Variants in STPG2 observed in about 807,000 individuals in gnomAD.
STPG2 encodes sperm tail PG-rich repeat containing 2.
Under a neutral mutation model 54.2 loss-of-function variants are expected in STPG2, and 56 were observed. The ratio of observed to expected loss-of-function variants is 1.03; its 90% CI spans 0.83 to 1.29. The LOEUF is 1.29. Among genes scored for constraint, STPG2 ranks in the 50% most tolerant of loss-of-function variants. The pLI is 0.00. For missense variants in STPG2, 596 were observed against 544.9 expected, an observed-to-expected ratio of 1.09 and a Z score of -0.93; for synonymous variants, 200 against 181.8, an observed-to-expected ratio of 1.10 and a Z score of -0.81.
intron 8 of STPG2, among the ~76,000 whole-genome samples, chr4:97,858,968 T>A (rs915470904): frequency 6.6e-6 from 1 of 152,222 alleles, no homozygotes; most frequent in Non-Finnish European, 1.5e-5. Flanking sequence ...CTAAGGAATC[T>A]CCATACTACT....
intron 9 of STPG2, among the ~76,000 whole-genome samples, chr4:97,736,131 C>T (rs1261917090): frequency 2.0e-5 from 3 of 151,976 alleles, no homozygotes; most frequent in Non-Finnish European, 4.4e-5. Flanking sequence ...AGTAAAATGT[C>T]AATTCCTCAG....
At chr4:97,752,974 A>G (rs1195429702) in intron 9 of STPG2, among the ~76,000 whole-genome samples, 1 of 151,878 alleles carries the variant, frequency 6.6e-6, no homozygotes, top group African/African-American at 2.4e-5. Context: ...TCTCCTCTGC[A>G]AATGTGATGC....
chr4:97,883,597 A>C (rs1730457550), intron 8 of STPG2, among the ~76,000 whole-genome samples: 1 of 152,188 alleles, frequency 6.6e-6, no homozygotes, highest in South Asian at 2.1e-4. Flanking sequence ...AAATGAAAAA[A>C]ACAGAAACAG....
intron 9 of STPG2, among the ~76,000 whole-genome samples, chr4:97,749,796 G>A (rs1389771923): frequency 6.6e-6 from 1 of 151,706 alleles, no homozygotes; most frequent in Non-Finnish European, 1.5e-5. Context: ...AAAGTTTTTA[G>A]AAGAGCCTAA....
At chr4:97,907,256 TCC>T (rs1408287281) in intron 8 of STPG2, among the ~76,000 whole-genome samples, 1 of 150,946 alleles carries the variant, frequency 6.6e-6, no homozygotes, top group African/African-American at 2.4e-5. Flanking sequence ...ATGAGTGAAC[TCC>T]CATTCACAAT....
chr4:97,475,695 T>C (rs185274499), intron 4 of STPG2, among the ~76,000 whole-genome samples: 75 of 152,272 alleles, frequency 4.9e-4, no homozygotes, highest in Non-Finnish European at 9.6e-4. Context: ...TGTTAATTGC[T>C]CTGCTCTCCC....
intron 4 of STPG2, 80 bp from the exon 5 acceptor site, chr4:98,106,144 A>G: frequency 2.0e-6 from 2 of 984,898 alleles, no homozygotes; most frequent in Non-Finnish European, 2.8e-6. Context: ...AATTCTTTCT[A>G]CAGCAACATG....
intron 4 of STPG2, among the ~76,000 whole-genome samples, chr4:97,453,831 G>A (rs572838002): frequency 3.2e-4 from 49 of 152,278 alleles, no homozygotes; most frequent in African/African-American, 1.1e-3. Context: ...AGTATGCATA[G>A]TCAACTTTGT....
chr4:97,761,156 A>T (rs1454451112), intron 9 of STPG2, among the ~76,000 whole-genome samples: 2 of 152,158 alleles, frequency 1.3e-5, no homozygotes, highest in Non-Finnish European at 2.9e-5. Flanking sequence ...TACAGGTTGA[A>T]TTGTGCCCCC....
chr4:97,629,412 C>T (rs1029023940), intron 10 of STPG2, among the ~76,000 whole-genome samples: 1 of 151,982 alleles, frequency 6.6e-6, no homozygotes, highest in East Asian at 1.9e-4. Flanking sequence ...CGTGCACGCA[C>T]TATAGGACTT....
At chr4:97,887,015 C>T (rs1203531563) in intron 8 of STPG2, among the ~76,000 whole-genome samples, 1 of 152,188 alleles carries the variant, frequency 6.6e-6, no homozygotes, top group Non-Finnish European at 1.5e-5. Flanking sequence ...TTTCCTGAGG[C>T]CTCCGCAGGA....
At chr4:98,077,402 C>A (rs1228117679) in intron 5 of STPG2, among the ~76,000 whole-genome samples, 1 of 152,094 alleles carries the variant, frequency 6.6e-6, no homozygotes, top group Non-Finnish European at 1.5e-5. Context: ...ACCACCACGC[C>A]CGCCTAATTT....
chr4:97,558,137 A>G (rs1237309023), downstream of STPG2, among the ~76,000 whole-genome samples: 1 of 152,228 alleles, frequency 6.6e-6, no homozygotes, highest in Non-Finnish European at 1.5e-5. Flanking sequence ...GATAAAATAC[A>G]CACAGTAGCA....
intron 10 of STPG2, among the ~76,000 whole-genome samples, chr4:97,610,280 G>C (rs1733699123): frequency 6.6e-6 from 1 of 152,026 alleles, no homozygotes; most frequent in African/African-American, 2.4e-5. Context: ...AATAAATTAT[G>C]TCAATCAAAT....
chr4:98,006,442 T>G (rs1735577198), intron 5 of STPG2, among the ~76,000 whole-genome samples: 1 of 152,212 alleles, frequency 6.6e-6, no homozygotes, highest in Non-Finnish European at 1.5e-5. Flanking sequence ...TCCCTATGCA[T>G]GTTCTCAGAT....
intron 3 of STPG2, among the ~76,000 whole-genome samples, chr4:98,111,979 T>TA (rs1739374688): frequency 6.6e-6 from 1 of 152,058 alleles, no homozygotes; most frequent in African/African-American, 2.4e-5. Flanking sequence ...GACTAAGAGT[T>TA]ATACCATCAG....
intron 4 of STPG2, among the ~76,000 whole-genome samples, chr4:97,462,145 C>A (rs957254965): frequency 1.3e-5 from 2 of 151,770 alleles, no homozygotes; most frequent in African/African-American, 4.8e-5. Flanking sequence ...ACTCAAAATT[C>A]TTTTCATTCC....
chr4:97,605,745 C>T (rs1655496849), intron 10 of STPG2, among the ~76,000 whole-genome samples: 1 of 151,010 alleles, frequency 6.6e-6, no homozygotes, highest in Admixed American at 6.6e-5. Flanking sequence ...AGTTTCAATA[C>T]CTATCAGACA....
At chr4:97,527,427 T>C (rs1161388349) in intron 4 of STPG2, among the ~76,000 whole-genome samples, 1 of 152,188 alleles carries the variant, frequency 6.6e-6, no homozygotes, top group African/African-American at 2.4e-5. Context: ...TCATTCCAAG[T>C]CTTCACTATT....
Sources: gnomAD v4.1 joint callset for allele counts (sites outside exome capture counted in the v4.1 genomes callset) on GRCh38, gnomAD v4.1.1 for gene constraint, MANE v1.5 for transcripts, NCBI Gene and HGNC (gene_info 2026-07-23, HGNC 2026-07-21) for gene names.